Variants in TLN2 observed in about 807,000 individuals in gnomAD.
TLN2 encodes the protein talin 2, also known as talin-2.
In TLN2, 118 loss-of-function variants were observed where a neutral mutation model predicts 294.7. That is an observed-to-expected ratio of 0.40 (90% CI 0.34 to 0.47). The LOEUF (loss-of-function observed/expected upper bound fraction) is 0.47. TLN2 is among the 20% of genes least tolerant of loss of function. The pLI is 0.84. For synonymous variants in TLN2, 1,431 were observed against 1,304.5 expected (o/e 1.10, Z -2.09); for missense variants, 3,083 against 3,282.2 (o/e 0.94, Z 1.48).
intron 31 of TLN2, 33 bp from the exon 32 acceptor site, chr15:62,740,597 C>T (rs2061272683): frequency 1.2e-6 from 2 of 1,613,122 alleles, no homozygotes; most frequent in Non-Finnish European, 1.7e-6. Flanking sequence ...AATGGACAGG[C>T]CCTAATAGCT....
At chr15:62,656,190 A>T in intron 8 of TLN2, 104 bp downstream of exon 8, 9 of 1,448,502 alleles carry the variant, frequency 6.2e-6, no homozygotes, top group Non-Finnish European at 8.5e-6. Context: ...TGCCACATTT[A>T]TGGCGTCGTT....
At chr15:62,510,529 C>T (rs755842873) in intron 1 of TLN2, among the ~76,000 whole-genome samples, 27 of 152,210 alleles carry the variant, frequency 1.8e-4, no homozygotes, top group Non-Finnish European at 1.2e-4. Context: ...AAACATACTA[C>T]TTTGAGCTGG....
chr15:62,809,960 G>A lies in TLN2; in HGVS notation c.6699G>A (p.Val2233=), dbSNP rs766231592. ...TCCACCCCGATGTCAGTGACGAGGTGAGAACCAGAGCCTTGCGTTTCGGGA... is the reference window on the plus strand; with the variant it reads ...TCCACCCCGATGTCAGTGACGAGGTAAGAACCAGAGCCTTGCGTTTCGGGA... ...ASFHPDVSDE[V]RTRALRFGTE... Residue 2233 remains valine, a synonymous_variant, in exon 52 of 59, where the codon GTG becomes GTA. Coordinates refer to ENST00000636159, the MANE Select transcript of TLN2 (RefSeq NM_015059.3). 3 of 1,614,142 alleles carry A rather than the reference G, an allele frequency of 1.9e-6. No homozygotes were observed. Among genetic ancestry groups the A allele is most frequent in the South Asian group, 1.1e-5 (1 of 91,074 alleles).
At chr15:62,588,949 T>C (rs2045874606) in intron 1 of TLN2, among the ~76,000 whole-genome samples, 1 of 151,728 alleles carries the variant, frequency 6.6e-6, no homozygotes, top group African/African-American at 2.4e-5. Context: ...GAGAGAGATG[T>C]AGAGTTTTCT....
intron 1 of TLN2, among the ~76,000 whole-genome samples, chr15:62,407,265 G>A (rs374582262): frequency 2.0e-4 from 31 of 152,256 alleles, no homozygotes; most frequent in African/African-American, 7.2e-4. Flanking sequence ...CTAAGATGTA[G>A]CAAGGCTTGT....
intron 34 of TLN2, among the ~76,000 whole-genome samples, chr15:62,750,777 GC>G (rs1398475815): frequency 6.6e-6 from 1 of 152,172 alleles, no homozygotes; most frequent in Non-Finnish European, 1.5e-5. Flanking sequence ...CCCAGGTCCT[GC>G]CCCTGTGGTC....
chr15:62,628,450 T>C lies in TLN2; in HGVS notation c.-37+9975T>C, dbSNP rs144465374. On this transcript the variant is annotated intron_variant, in intron 3 of 58. Transcript: ENST00000636159. ...TTAGAACATCATATATAGTAGGACT[T>C]CCATAACGTTTTGTTGAATTAAGTG... Among the ~76,000 whole-genome samples, 343 of 152,378 alleles carry C rather than the reference T, an allele frequency of 2.3e-3. 3 individuals are homozygous for C. The highest frequency in any genetic ancestry group is 7.6e-3 in the African/African-American group (316 of 41,590).
At chr15:62,645,444 G>A (rs996561811) in intron 3 of TLN2, among the ~76,000 whole-genome samples, 1 of 152,226 alleles carries the variant, frequency 6.6e-6, no homozygotes, top group Admixed American at 6.5e-5. Context: ...CAGAATGCAA[G>A]CAGGGGTCAG....
At chr15:62,695,219 G>A (rs184558161) in intron 14 of TLN2, among the ~76,000 whole-genome samples, 35 of 152,300 alleles carry the variant, frequency 2.3e-4, no homozygotes, top group Admixed American at 2.2e-3. Context: ...GCAATGTAAT[G>A]ACTGTTCTTG....
Position 62,618,748 on chromosome 15 carries a change from T to C in TLN2, c.-37+273T>C, listed in dbSNP as rs2048519336. ...AGAATTTGCAGATGTGTAAGGGTTT[T>C]CTGAAGCTCTCCAGTTTGTTTCTCC... On this transcript the variant is annotated intron_variant, in intron 3 of 58. Transcript: ENST00000636159. 1.3e-5 allele frequency among the ~76,000 whole-genome samples: 2 copies of C among 152,238 alleles called. 1 individual carries two copies. The highest frequency in any genetic ancestry group is 2.9e-5 in the Non-Finnish European group (2 of 68,040).
chr15:62,545,514 TTGTGTGTGTGTG>T (rs56777565), intron 1 of TLN2, among the ~76,000 whole-genome samples: 162 of 146,030 alleles, frequency 1.1e-3, no homozygotes, highest in Non-Finnish European at 1.8e-3. Flanking sequence ...TTCTTTCTCT[TTGTGTGTGTGTG>T]TGTGTGTGTG....
chr15:62,716,346 C>A lies in TLN2; in HGVS notation c.2650C>A (p.Pro884Thr). The A allele has an allele frequency of 6.2e-7, 1 of 1,605,398 alleles. No individual in the cohort carries two copies. The highest frequency in any genetic ancestry group is 8.5e-7 in the Non-Finnish European group (1 of 1,176,620). Residue 884 changes from proline (P) to threonine (T), a missense_variant, in exon 23 of 59, where the codon CCA (proline) becomes ACA (threonine). Physicochemically the swap from Pro to Thr is conservative, Grantham distance 38. Transcript: ENST00000636159. ...VEAAKGAAANPENEDQQQRLR... is the reference protein window; with the variant it reads ...VEAAKGAAANTENEDQQQRLR... ...GCCTTTGCAGGGGGCTGCAGCCAAC[C>A]CAGAGAATGAGGACCAGCAGCAAAG...
At chr15:62,395,016 G>A (rs1471202844) in intron 1 of TLN2, among the ~76,000 whole-genome samples, 3 of 152,070 alleles carry the variant, frequency 2.0e-5, no homozygotes, top group African/African-American at 4.8e-5. Flanking sequence ...AACAAGGAAT[G>A]AACATTTGTA....
chr15:62,521,605 A>G (rs1217824505), intron 1 of TLN2, among the ~76,000 whole-genome samples: 1 of 152,118 alleles, frequency 6.6e-6, no homozygotes, highest in Non-Finnish European at 1.5e-5. Context: ...GTGAGGGTCA[A>G]GGTTCTTGTT....
chr15:62,783,388 G>C (rs1212464035), intron 44 of TLN2, among the ~76,000 whole-genome samples: 1 of 152,190 alleles, frequency 6.6e-6, no homozygotes, highest in Non-Finnish European at 1.5e-5. Context: ...GGGGTTTCTA[G>C]GGGGAATTCC....
At chr15:62,673,483 G>A (rs1348790469) in intron 9 of TLN2, among the ~76,000 whole-genome samples, 5 of 150,008 alleles carry the variant, frequency 3.3e-5, no homozygotes, top group Non-Finnish European at 4.4e-5. Flanking sequence ...TTAAAAATAC[G>A]TAGACAATAG....
rs1651861494 is a variant in TLN2, at chr15:62,708,820, G to A, written c.2467+24G>A. ...TGGTAAGGCACTGTGCTGTGGGTGG[G>A]TGGATGGGTGGCTTTTGATGTTCCT... On this transcript the variant is annotated intron_variant, in intron 21 of 58. Transcript: ENST00000636159. 3 of 1,580,046 alleles carry A rather than the reference G, an allele frequency of 1.9e-6. No individual in the cohort carries two copies. The African/African-American group carries it at 4.0e-5, about 21-fold the overall frequency.
chr15:62,409,657 T>G (rs547988087), intron 1 of TLN2, among the ~76,000 whole-genome samples: 2 of 152,286 alleles, frequency 1.3e-5, no homozygotes, highest in South Asian at 4.1e-4. Context: ...GGCTTTGTGG[T>G]TTTAAACTGC....
At chr15:62,732,684 A>G (rs2060794627) in intron 28 of TLN2, among the ~76,000 whole-genome samples, 1 of 152,196 alleles carries the variant, frequency 6.6e-6, no homozygotes, top group African/African-American at 2.4e-5. Flanking sequence ...CAGGTAAGAG[A>G]TGGTAGTGTC....
Sources: gnomAD v4.1 joint callset for allele counts (sites outside exome capture counted in the v4.1 genomes callset) on GRCh38, gnomAD v4.1.1 for gene constraint, MANE v1.5 for transcripts, NCBI Gene and HGNC (gene_info 2026-07-23, HGNC 2026-07-21) for gene names.